The following USP48 variants were observed in gnomAD, a reference collection of about 807,000 sequenced individuals.
The protein encoded by USP48 is ubiquitin specific peptidase 48, also known as ubiquitin carboxyl-terminal hydrolase 48.
USP48 carries 43 observed loss-of-function variants against 150.7 expected under a neutral mutation model. The observed-to-expected ratio is 0.29, with a 90% CI of 0.22 to 0.37. The LOEUF (loss-of-function observed/expected upper bound fraction) is 0.37, where lower values mean the gene tolerates loss of function less well. Ranked by LOEUF, USP48 falls within the 10% of genes least tolerant of loss-of-function variation. The pLI, the probability that USP48 is intolerant of heterozygous loss-of-function variation, is 1.00. For synonymous variants in USP48, 396 were observed against 425.9 expected (o/e 0.93, Z 0.86); for missense variants, 813 against 1,249.6 (o/e 0.65, Z 5.27).
intron 8 of USP48, among the ~76,000 whole-genome samples, chr1:21,740,309 G>A (rs981063628): frequency 3.9e-5 from 6 of 152,162 alleles, no homozygotes; most frequent in Admixed American, 6.5e-5. Flanking sequence ...TTCCATTTAA[G>A]CCTGAATAGT....
chr1:21,757,870 T>C (rs1293625620), intron 1 of USP48, 87 bp from the exon 2 acceptor site: 1 of 1,434,734 alleles, frequency 7.0e-7, no homozygotes, highest in Non-Finnish European at 9.2e-7. Context: ...AGATACCACT[T>C]CTCATCTATA....
chr1:21,754,020 G>A (rs183576752), intron 3 of USP48, among the ~76,000 whole-genome samples: 1 of 151,756 alleles, frequency 6.6e-6, no homozygotes, highest in East Asian at 1.9e-4. Context: ...AATTAGTGGG[G>A]CATGGTAGTA....
chr1:21,764,007 C>T (rs556414176), intron 1 of USP48, among the ~76,000 whole-genome samples: 2 of 152,300 alleles, frequency 1.3e-5, no homozygotes, highest in Admixed American at 1.3e-4. Context: ...TTTTATCCCT[C>T]CTTAGGAGTA....
intron 1 of USP48, among the ~76,000 whole-genome samples, chr1:21,767,280 T>A (rs957014177): frequency 6.6e-6 from 1 of 152,122 alleles, no homozygotes; most frequent in African/African-American, 2.4e-5. Flanking sequence ...ATTCCTTGAC[T>A]CAGGATTATA....
chr1:21,761,508 C>G (rs2097850033), intron 1 of USP48, among the ~76,000 whole-genome samples: 1 of 152,136 alleles, frequency 6.6e-6, no homozygotes, highest in Non-Finnish European at 1.5e-5. Flanking sequence ...TTATACCTTT[C>G]AGACTTTGAA....
At chr1:21,764,987 A>G (rs2097858368) in intron 1 of USP48, among the ~76,000 whole-genome samples, 1 of 152,214 alleles carries the variant, frequency 6.6e-6, no homozygotes, top group Admixed American at 6.5e-5. Context: ...ACAAAGACTA[A>G]GCATATATTT....
chr1:21,758,559 C>T (rs145801878), intron 1 of USP48, among the ~76,000 whole-genome samples: 3,791 of 151,918 alleles, frequency 0.025, 54 homozygotes, highest in Middle Eastern at 0.045. Flanking sequence ...GTCAGGAGTT[C>T]GAGACCAGCC....
At chr1:21,703,292 T>C (rs72660376) in intron 21 of USP48, among the ~76,000 whole-genome samples, 16,490 of 152,304 alleles carry the variant, frequency 0.11, 1,137 homozygotes, top group South Asian at 0.19. Context: ...ACAGCTGACA[T>C]TCAGTAAATA....
intron 23 of USP48, among the ~76,000 whole-genome samples, chr1:21,692,672 T>A (rs1489923232): frequency 6.6e-6 from 1 of 152,120 alleles, no homozygotes; most frequent in Non-Finnish European, 1.5e-5. Flanking sequence ...AATATAAAAG[T>A]GAATAATCCC....
At chr1:21,697,803 A>T (rs2097641381) in intron 22 of USP48, among the ~76,000 whole-genome samples, 1 of 152,164 alleles carries the variant, frequency 6.6e-6, no homozygotes, top group Non-Finnish European at 1.5e-5. Flanking sequence ...AACCCTGAGC[A>T]TCAAGCAAGA....
At chr1:21,722,508 C>T (rs1333038798) in intron 12 of USP48, among the ~76,000 whole-genome samples, 1 of 150,506 alleles carries the variant, frequency 6.6e-6, no homozygotes, top group Non-Finnish European at 1.5e-5. Context: ...CACTGTACTC[C>T]AGCTGGGGCA....
At chr1:21,730,640 G>A (rs1302911674) in intron 9 of USP48, among the ~76,000 whole-genome samples, 1 of 151,730 alleles carries the variant, frequency 6.6e-6, no homozygotes, top group Non-Finnish European at 1.5e-5. Flanking sequence ...GTTGCAGTGT[G>A]TCACTGCACT....
chr1:21,781,387 C>A (rs1204365589), intron 1 of USP48, among the ~76,000 whole-genome samples: 1 of 152,056 alleles, frequency 6.6e-6, no homozygotes, highest in Non-Finnish European at 1.5e-5. Flanking sequence ...TGCAGTGAGC[C>A]GAGATCACGC....
At chr1:21,761,576 TA>T (rs1453686973) in intron 1 of USP48, among the ~76,000 whole-genome samples, 1 of 152,224 alleles carries the variant, frequency 6.6e-6, no homozygotes, top group African/African-American at 2.4e-5. Flanking sequence ...ATGTTCAGTT[TA>T]AACATACTGT....
At chr1:21,775,860 T>A (rs61685265) in intron 1 of USP48, among the ~76,000 whole-genome samples, 2 of 152,028 alleles carry the variant, frequency 1.3e-5, no homozygotes, top group Non-Finnish European at 2.9e-5. Flanking sequence ...CTAAGCAACA[T>A]AGTAAGACCC....
intron 1 of USP48, among the ~76,000 whole-genome samples, chr1:21,778,601 T>TAAAAAA (rs35911894): frequency 3.4e-5 from 3 of 88,902 alleles, no homozygotes; most frequent in African/African-American, 1.4e-4. Flanking sequence ...ACCCTCATCT[T>TAAAAAA]AAAAAAAAAA....
chr1:21,691,465 CT>C (rs747501944), intron 23 of USP48, among the ~76,000 whole-genome samples: 2 of 152,090 alleles, frequency 1.3e-5, no homozygotes, highest in African/African-American at 2.4e-5. Flanking sequence ...AAAACCCTAT[CT>C]CTACTAAAAA....
chr1:21,715,024 C>T, intron 15 of USP48: 1 of 172,616 alleles, frequency 5.8e-6, no homozygotes. Context: ...TGATGCTGCA[C>T]TAAGCTAGGA....
chr1:21,703,443 T>C (rs988486722), intron 21 of USP48, 69 bp downstream of exon 21: 11 of 1,274,868 alleles, frequency 8.6e-6, no homozygotes, highest in Non-Finnish European at 1.2e-5. Flanking sequence ...TCAGTGCAAA[T>C]ACAACAGCAA....
Sources: allele counts gnomAD v4.1 joint callset (sites outside exome capture counted in the v4.1 genomes callset), GRCh38; gene constraint gnomAD v4.1.1; transcripts MANE v1.5; gene names NCBI Gene and HGNC (gene_info 2026-07-23, HGNC 2026-07-21).